The following ARHGEF10 variants were observed in gnomAD, a reference collection of about 807,000 sequenced individuals.
ARHGEF10 encodes Rho guanine nucleotide exchange factor 10, also known as Rho guanine nucleotide exchange factor (GEF) 10.
A neutral mutation model predicts 147.4 loss-of-function variants in ARHGEF10; 140 were observed. The observed-to-expected ratio is 0.95, with a 90% CI of 0.83 to 1.09. The LOEUF is 1.09. Ranked by LOEUF, ARHGEF10 falls within the 50% of genes least tolerant of loss-of-function variation. The pLI is 0.00. For missense variants in ARHGEF10, 2,222 were observed against 1,752.7 expected, an observed-to-expected ratio of 1.27 and a Z score of -4.78; for synonymous variants, 902 against 695.8, an observed-to-expected ratio of 1.30 and a Z score of -4.67.
At chr8:1,829,021 G>A (rs1802930541) in intron 1 of ARHGEF10, among the ~76,000 whole-genome samples, 1 of 152,244 alleles carries the variant, frequency 6.6e-6, no homozygotes, top group East Asian at 1.9e-4. Flanking sequence ...GTATCTGAGC[G>A]GACACGGACG....
chr8:1,911,681 T>A (rs1214345429), intron 18 of ARHGEF10, among the ~76,000 whole-genome samples: 1 of 152,138 alleles, frequency 6.6e-6, no homozygotes, highest in East Asian at 1.9e-4. Context: ...TTAGCATTGA[T>A]CTTGAGTGGG....
intron 11 of ARHGEF10, among the ~76,000 whole-genome samples, chr8:1,887,301 G>T (rs1808748344): frequency 6.6e-6 from 1 of 152,278 alleles, no homozygotes; most frequent in African/African-American, 2.4e-5. Context: ...GAGTGACTCA[G>T]GACCAGAAGA....
chr8:1,859,958 C>T lies in ARHGEF10; in HGVS notation c.255C>T (p.Leu85=). 1 of 1,614,170 alleles carries T rather than the reference C, an allele frequency of 6.2e-7. No individual in the cohort carries two copies. The part of the protein sequence containing the change: ...TPVAEPTKLV[L]PMKVNPYSVI... The stretch of plus-strand genomic sequence containing the variant: ...TGGCAGAGCCTACTAAGCTGGTGCT[C>T]CCGATGAAAGTCAACCCATATTCTG... The change falls in exon 4 of 29, where the codon CTC becomes CTT. Residue 85 remains leucine (L), a synonymous_variant. Coordinates refer to ENST00000349830, the MANE Select transcript of ARHGEF10 (RefSeq NM_014629.4).
At chr8:1,882,813 G>A in intron 10 of ARHGEF10, 64 bp downstream of exon 10, 3 of 910,728 alleles carry the variant, frequency 3.3e-6, no homozygotes, top group East Asian at 4.0e-5. Flanking sequence ...CACATCTTGT[G>A]GGGAGGACTC....
intron 1 of ARHGEF10, among the ~76,000 whole-genome samples, chr8:1,836,315 C>T (rs533937259): frequency 6.6e-4 from 100 of 152,254 alleles, no homozygotes; most frequent in Non-Finnish European, 1.3e-3. Flanking sequence ...TCATGCTGCA[C>T]GCTCCTGGGG....
intron 18 of ARHGEF10, among the ~76,000 whole-genome samples, chr8:1,916,190 C>T (rs925370645): frequency 6.6e-6 from 1 of 152,168 alleles, no homozygotes; most frequent in Non-Finnish European, 1.5e-5. Flanking sequence ...GGACAGGGTC[C>T]TCTCTCTGTG....
At chr8:1,846,960 CG>C (rs1585248793) in intron 2 of ARHGEF10, among the ~76,000 whole-genome samples, 1 of 152,170 alleles carries the variant, frequency 6.6e-6, no homozygotes, top group Non-Finnish European at 1.5e-5. Context: ...GCTCGTTTTT[CG>C]TAAGTGTCCT....
chr8:1,938,931 C>G (rs904121956), intron 26 of ARHGEF10, among the ~76,000 whole-genome samples: 1 of 148,114 alleles, frequency 6.8e-6, no homozygotes, highest in Non-Finnish European at 1.5e-5. Context: ...ACCCTGAACA[C>G]TGTGGAATCC....
intron 11 of ARHGEF10, among the ~76,000 whole-genome samples, chr8:1,893,127 C>T (rs866060561): frequency 1.1e-4 from 16 of 146,256 alleles, no homozygotes; most frequent in South Asian, 8.7e-4. Context: ...CCTCCACATT[C>T]CACAAACTTT....
intron 22 of ARHGEF10, 26 bp from the exon 23 acceptor site, chr8:1,926,351 G>C (rs1215418963): frequency 2.1e-5 from 33 of 1,587,288 alleles, no homozygotes; most frequent in Non-Finnish European, 2.9e-5. Flanking sequence ...TTTTATATGT[G>C]AGCGTTTGAT....
At chr8:1,953,873 G>C (rs1319039213) in intron 28 of ARHGEF10, among the ~76,000 whole-genome samples, 4 of 152,152 alleles carry the variant, frequency 2.6e-5, no homozygotes, top group Admixed American at 1.3e-4. Context: ...TTTGCAGGAA[G>C]CTTGTAGAGC....
intron 15 of ARHGEF10, among the ~76,000 whole-genome samples, chr8:1,899,121 C>G (rs1304985483): frequency 6.6e-6 from 1 of 152,206 alleles, no homozygotes; most frequent in Non-Finnish European, 1.5e-5. Context: ...GAACAGTAGG[C>G]CTGTTCTGAG....
At chr8:1,847,271 C>T (rs1046504921) in intron 2 of ARHGEF10, among the ~76,000 whole-genome samples, 3 of 152,144 alleles carry the variant, frequency 2.0e-5, no homozygotes, top group African/African-American at 4.8e-5. Flanking sequence ...AAACAGAACC[C>T]CTCTCATAAG....
At chr8:1,856,127 G>T (rs1805532976) in intron 2 of ARHGEF10, among the ~76,000 whole-genome samples, 1 of 152,232 alleles carries the variant, frequency 6.6e-6, no homozygotes, top group Admixed American at 6.5e-5. Flanking sequence ...CCTCTAGGAA[G>T]TGGGTGAGGC....
At chr8:1,848,756 T>A (rs1320317046) in intron 2 of ARHGEF10, among the ~76,000 whole-genome samples, 1 of 152,220 alleles carries the variant, frequency 6.6e-6, no homozygotes. Flanking sequence ...TATTGAATAT[T>A]CTTCCAGTGT....
chr8:1,844,949 A>T (rs947220008), intron 2 of ARHGEF10, among the ~76,000 whole-genome samples: 1 of 152,138 alleles, frequency 6.6e-6, no homozygotes, highest in African/African-American at 2.4e-5. Flanking sequence ...TAGTTGTAAT[A>T]ATTAGACCCC....
intron 4 of ARHGEF10, among the ~76,000 whole-genome samples, chr8:1,862,783 T>C (rs867318230): frequency 0.19 from 26,803 of 143,936 alleles, 2,406 homozygotes; most frequent in East Asian, 0.29. Context: ...TTCTTTTTTT[T>C]TTTTTTTTTT....
intron 20 of ARHGEF10, 71 bp from the exon 21 acceptor site, chr8:1,923,703 A>G (rs1229788532): frequency 8.7e-6 from 14 of 1,613,342 alleles, no homozygotes; most frequent in Non-Finnish European, 1.0e-5. Flanking sequence ...CAGACAGGCA[A>G]AATGTGTAAT....
At chr8:1,896,480 A>G (rs1193235854) in intron 14 of ARHGEF10, 31 bp downstream of exon 14, 3 of 1,438,558 alleles carry the variant, frequency 2.1e-6, no homozygotes, top group Non-Finnish European at 2.9e-6. Flanking sequence ...TTTGGGTTTT[A>G]ACACCATCTG....
Sources: allele counts gnomAD v4.1 joint callset (sites outside exome capture counted in the v4.1 genomes callset), GRCh38; gene constraint gnomAD v4.1.1; transcripts MANE v1.5; gene names NCBI Gene and HGNC (gene_info 2026-07-23, HGNC 2026-07-21).